Variants in EDA observed in about 807,000 individuals in gnomAD.
The protein encoded by EDA is ectodysplasin A, also known as ectodysplasin-A.
Under a neutral mutation model 23.6 loss-of-function variants are expected in EDA, and 2 were observed. The observed-to-expected ratio is 0.08, with a 90% CI of 0.03 to 0.27. The LOEUF is 0.27. Among genes scored for constraint, EDA ranks in the 10% least tolerant of loss-of-function variants. EDA has a pLI of 1.00. For synonymous variants in EDA, 131 were observed against 132.0 expected (o/e 0.99, Z 0.05); for missense variants, 229 against 324.2 (o/e 0.71, Z 2.26).
intron 1 of EDA, among the ~76,000 whole-genome samples, chrX:69,692,671 A>G (rs1934746928): frequency 8.9e-6 from 1 of 111,736 alleles, no homozygotes; most frequent in Admixed American, 9.5e-5. Flanking sequence ...ATTGTAAGGG[A>G]TTTTCATCAA....
Position 69,874,101 on chromosome X carries a change from G to A in EDA, c.397-82926G>A, listed in dbSNP as rs545845427. 9.0e-5 allele frequency among the ~76,000 whole-genome samples: 10 copies of A among 111,330 alleles called. No individual in the cohort carries two copies. The South Asian group carries it at 2.3e-3, about 26-fold the overall frequency. On this transcript the variant is annotated intron_variant, in intron 1 of 7. Transcript: ENST00000374552. ...CGAGGCAGGCGGATCACCTGAGGTC[G>A]GAAGTTCAAGACCAGCCTGACCAAC...
At chrX:69,775,168 ACTC>A (rs1256446271) in intron 1 of EDA, among the ~76,000 whole-genome samples, 1 of 111,141 alleles carries the variant, frequency 9.0e-6, no homozygotes, top group Non-Finnish European at 1.9e-5. Context: ...TTCAGACAGA[ACTC>A]CTATTCTTCC....
chrX:69,859,356 T>C (rs1393742921), intron 1 of EDA, among the ~76,000 whole-genome samples: 2 of 111,839 alleles, frequency 1.8e-5, no homozygotes, highest in Admixed American at 1.9e-4. Context: ...CTTTTTGATG[T>C]GGGCATTTAG....
intron 1 of EDA, among the ~76,000 whole-genome samples, chrX:69,627,819 T>C (rs997718696): frequency 9.0e-6 from 1 of 111,466 alleles, no homozygotes; most frequent in Non-Finnish European, 1.9e-5. Flanking sequence ...TCATAAACTC[T>C]GGGGAGAGAG....
chrX:69,683,122 G>A (rs774892987), intron 1 of EDA, among the ~76,000 whole-genome samples: 2 of 110,759 alleles, frequency 1.8e-5, no homozygotes, highest in South Asian at 3.9e-4. Flanking sequence ...AGGATTAAAG[G>A]GGTTTATATT....
rs1481422152 is a variant in EDA at position 69,704,598 on chromosome X, G to C, written c.396+87894G>C. On this transcript the variant is annotated intron_variant, in intron 1 of 7. Coordinates refer to ENST00000374552, the MANE Select transcript of EDA (RefSeq NM_001399.5). ...ATGCCCTTGCCCAGAGGTGAGGAGT[G>C]GGGGGAGTGGGTGGGAGGATCCATC... is the stretch of plus-strand genomic sequence containing the variant. Among the ~76,000 whole-genome samples the C allele has an allele frequency of 1.8e-5, 2 of 109,663 alleles. 1 individual carries two copies. Among genetic ancestry groups the C allele is most frequent in the South Asian group, 8.1e-4 (2 of 2,463 alleles).
intron 1 of EDA, among the ~76,000 whole-genome samples, chrX:69,866,746 G>A (rs1011700811): frequency 1.8e-5 from 2 of 111,890 alleles, no homozygotes; most frequent in East Asian, 5.6e-4. Flanking sequence ...CCATTCCACC[G>A]TTCTGTCAAT....
chrX:69,677,242 G>C (rs1934130943), intron 1 of EDA, among the ~76,000 whole-genome samples: 2 of 106,161 alleles, frequency 1.9e-5, no homozygotes, highest in South Asian at 9.1e-4. Flanking sequence ...TGGACATTTG[G>C]ATTGGTTCCA....
intron 1 of EDA, among the ~76,000 whole-genome samples, chrX:69,755,203 T>G (rs958016289): frequency 8.9e-6 from 1 of 111,794 alleles, no homozygotes; most frequent in Non-Finnish European, 1.9e-5. Flanking sequence ...TTATCTACCT[T>G]TGGTCTTTGA....
chrX:69,775,848 C>G (rs1234623669), intron 1 of EDA, among the ~76,000 whole-genome samples: 1 of 111,861 alleles, frequency 8.9e-6, no homozygotes, highest in Non-Finnish European at 1.9e-5. Context: ...TCTTCATTCA[C>G]ACAGATAAAT....
At chrX:69,777,890 A>G (rs780858706) in intron 1 of EDA, among the ~76,000 whole-genome samples, 7 of 112,213 alleles carry the variant, frequency 6.2e-5, no homozygotes, top group Non-Finnish European at 1.3e-4. Context: ...AATATGTAGT[A>G]TATGAAAACA....
chrX:69,716,975 G>A (rs2804336), intron 1 of EDA, among the ~76,000 whole-genome samples: 35,595 of 110,258 alleles, frequency 0.32, 5,047 homozygotes, highest in Middle Eastern at 0.56. Context: ...GGCCAAGACT[G>A]TGGGGTTTTC....
At chrX:70,028,218 C>G (rs2020147427) in intron 4 of EDA, among the ~76,000 whole-genome samples, 182 bp downstream of exon 4, 1 of 111,635 alleles carries the variant, frequency 9.0e-6, no homozygotes, top group Non-Finnish European at 1.9e-5. Flanking sequence ...CTGGCCTGCT[C>G]TAGCTTCTTA....
intron 2 of EDA, among the ~76,000 whole-genome samples, chrX:70,009,184 G>T (rs2019840904): frequency 9.0e-6 from 1 of 111,443 alleles, no homozygotes; most frequent in African/African-American, 3.3e-5. Flanking sequence ...TTTCTTGGTA[G>T]GAGTTTGTCA....
chrX:69,759,131 A>T (rs1295007341), intron 1 of EDA, among the ~76,000 whole-genome samples: 2 of 112,506 alleles, frequency 1.8e-5, no homozygotes, highest in Non-Finnish European at 3.8e-5. Flanking sequence ...TAGGGAAATT[A>T]ATGACTTTCT....
chrX:69,925,841 T>C (rs1356829419), intron 1 of EDA, among the ~76,000 whole-genome samples: 1 of 106,719 alleles, frequency 9.4e-6, no homozygotes. Context: ...TTAGAACTTA[T>C]TATTGGTCTA....
chrX:69,709,646 CTTTGCTT>C (rs1168102481), intron 1 of EDA, among the ~76,000 whole-genome samples: 1 of 111,366 alleles, frequency 9.0e-6, no homozygotes, highest in Non-Finnish European at 1.9e-5. Flanking sequence ...ACTGATTTCT[CTTTGCTT>C]TAAACTGTTT....
At chrX:69,954,246 T>C (rs189548713) in intron 1 of EDA, among the ~76,000 whole-genome samples, 40 of 111,355 alleles carry the variant, frequency 3.6e-4, no homozygotes, top group African/African-American at 1.2e-3. Context: ...TTATTCTTTC[T>C]TTTTCCTCTG....
chrX:69,983,872 C>A (rs1467617325), intron 2 of EDA, among the ~76,000 whole-genome samples: 3 of 108,823 alleles, frequency 2.8e-5, no homozygotes, highest in Non-Finnish European at 5.7e-5. Flanking sequence ...TGGTTCCATT[C>A]TCCACATCCT....
Sources: allele counts gnomAD v4.1 joint callset (sites outside exome capture counted in the v4.1 genomes callset), GRCh38; gene constraint gnomAD v4.1.1; transcripts MANE v1.5; gene names NCBI Gene and HGNC (gene_info 2026-07-23, HGNC 2026-07-21).